The following NOBOX variants were observed in gnomAD, a reference collection of about 807,000 sequenced individuals.
NOBOX encodes NOBOX oogenesis homeobox.
A neutral mutation model predicts 60.2 loss-of-function variants in NOBOX; 46 were observed. That is an observed-to-expected ratio of 0.76 (90% CI 0.60 to 0.98). The LOEUF is 0.98. Among genes scored for constraint, NOBOX ranks in the 50% least tolerant of loss-of-function variants. The pLI is 0.00. For synonymous variants in NOBOX, 360 were observed against 346.3 expected (o/e 1.04, Z -0.44); for missense variants, 880 against 865.5 (o/e 1.02, Z -0.21).
Position 144,401,441 on chromosome 7 carries a change from G to T in NOBOX, c.449C>A (p.Ala150Asp). Residue 150 changes from alanine (A) to aspartate (D), a missense_variant, in exon 4 of 10, where the codon GCC becomes GAC. By Grantham distance (126) the Ala-to-Asp change is moderately radical (BLOSUM62 -2). Transcript: ENST00000467773. This position sits in a 1 kb window ranked among gnomAD's most constrained non-coding sequence, Gnocchi z 4.2. The stretch of plus-strand genomic sequence containing the variant: ...CAGTCTCCCAGCATCAGCCCCGGTG[G>T]CTTCTCCAGAGACTGCTGGCGGCTT... 6.2e-7 allele frequency: 1 copy of T among 1,603,632 alleles called. No individual in the cohort carries two copies. Among genetic ancestry groups the T allele is most frequent in the African/African-American group, 1.3e-5 (1 of 74,606 alleles).
At chr7:144,402,787 C>T (rs188074225) in intron 2 of NOBOX, among the ~76,000 whole-genome samples, 12 of 124,414 alleles carry the variant, frequency 9.6e-5, no homozygotes, top group Admixed American at 7.0e-4. Flanking sequence ...GATGGAGTCT[C>T]GCTCCGTCGC....
chr7:144,409,397 A>G (rs534239980), intron 1 of NOBOX, among the ~76,000 whole-genome samples: 96 of 152,334 alleles, frequency 6.3e-4, no homozygotes, highest in South Asian at 8.3e-4. Context: ...TCATCAAACA[A>G]CAGTATCGGT....
At chr7:144,407,388 A>G (rs563683301) in intron 1 of NOBOX, among the ~76,000 whole-genome samples, 39 of 152,356 alleles carry the variant, frequency 2.6e-4, no homozygotes, top group African/African-American at 9.4e-4. Context: ...AAGTTGTGAA[A>G]GACAGGCAGA....
rs781125250 is a variant in NOBOX at position 144,401,434 on chromosome 7, C to T, written c.456G>A (p.Gly152=). The change falls in exon 4 of 10, where the codon GGG becomes GGA. Residue 152 remains glycine, a synonymous_variant. Transcript: ENST00000467773. The surrounding 1 kb of genome is among the most constrained non-coding windows in gnomAD (Gnocchi z 4.2). ...GCGGGCACAGTCTCCCAGCATCAGC[C>T]CCGGTGGCTTCTCCAGAGACTGCTG... 9 of 1,606,628 alleles carry T rather than the reference C, an allele frequency of 5.6e-6. No homozygotes were observed. The highest frequency in any genetic ancestry group is 2.2e-5 in the South Asian group (2 of 90,270).
chr7:144,403,510 T>TTCCCCCCCCCCCCCC, intron 2 of NOBOX, 147 bp downstream of exon 1: 2 of 349,462 alleles, frequency 5.7e-6, no homozygotes, highest in Non-Finnish European at 1.1e-5. Context: ...GTCGGCCTCC[T>TTCCCCCCCCCCCCCC]CCCACCCTAC....
intron 1 of NOBOX, among the ~76,000 whole-genome samples, chr7:144,407,330 T>C (rs905119727): frequency 6.6e-6 from 1 of 152,146 alleles, no homozygotes; most frequent in African/African-American, 2.4e-5. Flanking sequence ...CACCCCAGTG[T>C]AGGCAGCATC....
Position 144,400,239 on chromosome 7 carries a change from G to T in NOBOX, c.918C>A (p.Ala306=). ...GCTGGGGGGTCACCCCCACCGTCTG[G>T]GCAATCTCTCGGCGTTTATCACTGT... Residue 306 remains alanine, a synonymous_variant, in exon 5 of 10, where the codon GCC becomes GCA. Coordinates refer to ENST00000467773, the MANE Select transcript of NOBOX (RefSeq NM_001080413.3). The T allele has an allele frequency of 6.2e-7, 1 of 1,614,068 alleles. No homozygotes were observed. The highest frequency in any genetic ancestry group is 8.5e-7 in the Non-Finnish European group (1 of 1,179,896).
rs549386074 is a variant in NOBOX at position 144,400,789 on chromosome 7, C to T, written c.844+257G>A. On this transcript the variant is annotated intron_variant, in intron 4 of 9. Coordinates refer to ENST00000467773, the MANE Select transcript of NOBOX (RefSeq NM_001080413.3). ...CTGACTTCAGGTAATCCACCTGCCT[C>T]GGCCTCCCAAAGTGCTGGGATTACA... Among the ~76,000 whole-genome samples the T allele has an allele frequency of 1.2e-4, 18 of 152,324 alleles. No homozygotes were observed. The South Asian group carries it at 1.5e-3, about 12-fold the overall frequency.
In NOBOX at chr7:144,404,441, G is replaced by A. The variant is rs564168713; in HGVS notation, c.210+115C>T. On this transcript the variant is annotated intron_variant, in intron 2 of 9. Coordinates refer to ENST00000467773, the MANE Select transcript of NOBOX (RefSeq NM_001080413.3). Reference sequence around the variant, plus strand: ...TTTTTGTATTTTTAGTAGAGACGGGGTTTCACCACGTTGGCTAGGCTGGGC... The same window carrying A: ...TTTTTGTATTTTTAGTAGAGACGGGATTTCACCACGTTGGCTAGGCTGGGC... 9.2e-6 allele frequency: 8 copies of A among 867,558 alleles called. No homozygotes were observed. The Admixed American group carries it at 1.5e-4, about 16-fold the overall frequency. 53.7% of individuals were successfully genotyped at this position (867,558 alleles called of 1,614,324 possible).
rs187273709 is a variant in NOBOX at position 144,401,528 on chromosome 7, G to C, written c.362C>G (p.Pro121Arg). The stretch of plus-strand genomic sequence containing the variant: ...CTCACTCTGAGTGTCCTGAGCATGA[G>C]GGGCTGAGCCCCGGAGCAGTTCCTC... The change falls in exon 4 of 10, where the codon CCT becomes CGT. Residue 121 changes from proline (P) to arginine (R), a missense_variant. By Grantham distance (103) the Pro-to-Arg change is moderately radical. Transcript: ENST00000467773. The surrounding 1 kb of genome is among the most constrained non-coding windows in gnomAD (Gnocchi z 4.2). The C allele has an allele frequency of 1.3e-5, 19 of 1,518,694 alleles. No homozygotes were observed. In the Middle Eastern group the frequency reaches 8.9e-4, roughly 71 times the overall value. The allele number at this position is 1,518,694 out of a possible 1,614,324, so 94.1% of individuals were successfully genotyped here. A position where few individuals can be genotyped will look rare whatever the true frequency, so the allele number is the denominator to read the frequency against.
Position 144,401,454 on chromosome 7 carries a change from CT to C in NOBOX, c.435del (p.Val146SerfsTer28). The C allele has an allele frequency of 6.3e-7, 1 of 1,589,932 alleles. No individual in the cohort carries two copies. The highest frequency in any genetic ancestry group is 8.6e-7 in the Non-Finnish European group (1 of 1,168,880). ...TCAGCCCCGGTGGCTTCTCCAGAGA[CT>C]GCTGGCGGCTTCTTCTCTCCTGAGA... On this transcript the variant is annotated frameshift_variant, in exon 4 of 10. Transcript: ENST00000467773. LOFTEE classifies it high-confidence loss of function. The surrounding 1 kb of genome is among the most constrained non-coding windows in gnomAD (Gnocchi z 4.2).
chr7:144,401,752 G>T lies in NOBOX; in HGVS notation c.292+117C>A. 2 of 1,031,094 alleles carry T rather than the reference G, an allele frequency of 1.9e-6. No homozygotes were observed. The highest frequency in any genetic ancestry group is 2.8e-6 in the Non-Finnish European group (2 of 702,824). 63.9% of individuals were successfully genotyped at this position (1,031,094 alleles called of 1,614,324 possible). A position where few individuals can be genotyped will look rare whatever the true frequency, so the allele number is the denominator to read the frequency against. ...TAATAATTCCACACTTACCTTCCTA[G>T]CTTGACTATTGTGAGGATTAAATCA... is the stretch of plus-strand genomic sequence containing the variant. On this transcript the variant is annotated intron_variant, in intron 3 of 9. Transcript: ENST00000467773. The surrounding 1 kb of genome is among the most constrained non-coding windows in gnomAD (Gnocchi z 4.2).
At chr7:144,404,819 C>G (rs1251444733) in intron 1 of NOBOX, 2 of 1,051,638 alleles carry the variant, frequency 1.9e-6, no homozygotes, top group Non-Finnish European at 2.8e-6. Flanking sequence ...ATGTTTCTTA[C>G]TATCTTTATA....
intron 1 of NOBOX, among the ~76,000 whole-genome samples, chr7:144,406,831 C>G (rs910820120): frequency 1.3e-5 from 2 of 152,062 alleles, no homozygotes; most frequent in African/African-American, 2.4e-5. Flanking sequence ...CGGGCTAGAG[C>G]AAAGAGACGG....
intron 1 of NOBOX, among the ~76,000 whole-genome samples, chr7:144,408,604 C>A (rs1220230518): frequency 1.3e-5 from 2 of 152,148 alleles, no homozygotes; most frequent in Non-Finnish European, 2.9e-5. Flanking sequence ...AATACTTCTC[C>A]GAAGGTGACA....
intron 1 of NOBOX, among the ~76,000 whole-genome samples, chr7:144,407,454 G>A (rs1363646084): frequency 1.3e-5 from 2 of 152,220 alleles, no homozygotes; most frequent in Non-Finnish European, 2.9e-5. Context: ...AGCAAGGTAT[G>A]GGAGGTCAGG....
intron 6 of NOBOX, 100 bp downstream of exon 4, chr7:144,399,657 A>C: frequency 8.3e-7 from 1 of 1,204,178 alleles, no homozygotes; most frequent in Non-Finnish European, 1.2e-6. Flanking sequence ...CCTAGGACTC[A>C]TGCCTAGCCT....
Position 144,398,589 on chromosome 7 carries a change from G to A in NOBOX, c.1470-3C>T, listed in dbSNP as rs2053911576. The stretch of plus-strand genomic sequence containing the variant: ...AACAGGGGGGTGGCAGGGTGATGCT[G>A]CAAGGACAGAGGAACAGCTGGTGAG... On this transcript the variant is annotated splice_region_variant and splice_polypyrimidine_tract_variant and intron_variant, in intron 8 of 9. Transcript: ENST00000467773. 2.0e-6 allele frequency: 3 copies of A among 1,534,666 alleles called. No homozygotes were observed. Among genetic ancestry groups the A allele is most frequent in the African/African-American group, 1.4e-5 (1 of 72,866 alleles).
intron 1 of NOBOX, among the ~76,000 whole-genome samples, chr7:144,404,873 G>C (rs928251854): frequency 1.3e-5 from 2 of 152,166 alleles, no homozygotes; most frequent in African/African-American, 4.8e-5. Flanking sequence ...TTCTGAGCGG[G>C]GAGGGGTAGA....
Sources: allele counts gnomAD v4.1 joint callset (sites outside exome capture counted in the v4.1 genomes callset), GRCh38; gene constraint gnomAD v4.1.1; non-coding constraint Gnocchi (gnomAD v3.1); transcripts MANE v1.5; gene names NCBI Gene and HGNC (gene_info 2026-07-23, HGNC 2026-07-21).